PTGDS: variants seen among roughly 807,000 people sequenced by gnomAD.
The protein encoded by PTGDS is prostaglandin D2 synthase.
In PTGDS, 21 loss-of-function variants were observed where a neutral mutation model predicts 28.4. The ratio of observed to expected loss-of-function variants is 0.74; its 90% confidence interval spans 0.52 to 1.07. The LOEUF is 1.07. Among genes scored for constraint, PTGDS ranks in the 50% least tolerant of loss-of-function variants. The probability of loss-of-function intolerance (pLI) is 0.00; values close to 1 mark genes in which losing one functional copy is unlikely to be tolerated. For missense variants in PTGDS, 243 were observed against 247.7 expected (o/e 0.98, Z 0.13); for synonymous variants, 102 against 106.0 (o/e 0.96, Z 0.23).
In PTGDS at chr9:136,977,698, G is replaced by C; in HGVS notation, c.114+6G>C. The C allele has an allele frequency of 6.3e-7, 1 of 1,580,470 alleles. No individual in the cohort carries two copies. The highest frequency in any genetic ancestry group is 8.6e-7 in the Non-Finnish European group (1 of 1,165,378). ...CCAACTTCCAGCAGGACAAGGTGAGGGGCTTTCCTGCGTCATCCCCAAGGG... is the reference window on the plus strand; with the variant it reads ...CCAACTTCCAGCAGGACAAGGTGAGCGGCTTTCCTGCGTCATCCCCAAGGG... On this transcript the variant is annotated splice_donor_region_variant and intron_variant, in intron 1 of 6. Transcript: ENST00000371625.
At chr9:136,978,878 TG>T in intron 1 of PTGDS, 114 bp from the exon 2 acceptor site, 4 of 1,082,298 alleles carry the variant, frequency 3.7e-6, no homozygotes, top group Non-Finnish European at 4.5e-6. Flanking sequence ...GGATTGGGCG[TG>T]GGGGCGGGGC....
rs567253400 is a variant in PTGDS, at chr9:136,977,623, G to A, written c.45G>A (p.Gly15=). Reference sequence around the variant, plus strand: ...TGTGGATGGGACTGGCCCTGCTGGGGGTGCTGGGCGACCTGCAGGCAGCAC... The same window carrying A: ...TGTGGATGGGACTGGCCCTGCTGGGAGTGCTGGGCGACCTGCAGGCAGCAC... The part of the protein sequence containing the change: ...HTLWMGLALL[G]VLGDLQAAPE... The change falls in exon 1 of 7, where the codon GGG becomes GGA. Residue 15 remains glycine (G), a synonymous_variant. Transcript: ENST00000371625. The A allele has an allele frequency of 1.2e-5, 20 of 1,609,766 alleles. No individual in the cohort carries two copies. The African/African-American group carries it at 2.5e-4, about 20-fold the overall frequency.
At chr9:136,977,856 G>A (rs898855096) in intron 1 of PTGDS, among the ~76,000 whole-genome samples, 164 bp downstream of exon 1, 3 of 91,890 alleles carry the variant, frequency 3.3e-5, no homozygotes, top group Non-Finnish European at 8.0e-5. Flanking sequence ...CTGGGTAGCC[G>A]CCCGAGGAGG....
In PTGDS at chr9:136,979,290, C is replaced by T. The variant is rs368896812; in HGVS notation, c.322C>T (p.Arg108Trp). Residue 108 changes from arginine (R) to tryptophan (W), a missense_variant, in exon 3 of 7, where the codon CGG becomes TGG. Transcript: ENST00000371625. ...GGGGTCCCTCGGCTCCTACAGCTACCGGAGTCCCCGTGAGTGGGGCCTCCA... is the reference window on the plus strand; with the variant it reads ...GGGGTCCCTCGGCTCCTACAGCTACTGGAGTCCCCGTGAGTGGGGCCTCCA... ...PAGSLGSYSY[R>W]SPHWGSTYSV... The T allele has an allele frequency of 4.3e-6, 7 of 1,609,786 alleles. No individual in the cohort carries two copies. In the East Asian group the frequency reaches 8.9e-5, roughly 21 times the overall value.
intron 6 of PTGDS, 27 bp downstream of exon 6, chr9:136,980,882 T>TCATG (rs2131398426): frequency 6.4e-7 from 1 of 1,571,646 alleles, no homozygotes; most frequent in Non-Finnish European, 8.7e-7. Context: ...ATTCATTCAT[T>TCATG]CATTCATTCA....
chr9:136,978,779 A>C, intron 1 of PTGDS: 1 of 374,792 alleles, frequency 2.7e-6, no homozygotes, highest in Non-Finnish European at 4.5e-6. Context: ...TGGGGCGGAG[A>C]TGTGAGGGGC....
intron 5 of PTGDS, 88 bp downstream of exon 5, chr9:136,980,372 G>T: frequency 7.0e-7 from 1 of 1,431,262 alleles, no homozygotes; most frequent in Non-Finnish European, 9.6e-7. Context: ...CAGAGGGGAG[G>T]AGGTGGCCCC....
intron 1 of PTGDS, among the ~76,000 whole-genome samples, chr9:136,978,187 C>A (rs1176347924): frequency 6.6e-6 from 1 of 151,332 alleles, no homozygotes; most frequent in Admixed American, 6.5e-5. Flanking sequence ...CGCGCCCCTC[C>A]CTGGCGTCGA....
intron 5 of PTGDS, 26 bp downstream of exon 5, chr9:136,980,310 G>A (rs769983147): frequency 1.2e-6 from 2 of 1,608,502 alleles, no homozygotes; most frequent in Admixed American, 3.3e-5. Flanking sequence ...CTGATGGGGA[G>A]AGGATCAAGG....
intron 5 of PTGDS, 31 bp from the exon 6 acceptor site, chr9:136,980,798 GTTCT>G (rs1830439209): frequency 1.9e-6 from 3 of 1,613,874 alleles, no homozygotes; most frequent in African/African-American, 2.7e-5. Context: ...TAAGTCTGGG[GTTCT>G]GACGACAGCC....
Position 136,979,110 on chromosome 9 carries a change from AACCTGACCTCC to A in PTGDS, c.237_247del (p.Thr80ProfsTer7). ...GGCCCCTGCCACGGATGGTGGCCTC[AACCTGACCTCC>A]ACCTTCCTCAGGTGGGACAGCGGGC... On this transcript the variant is annotated frameshift_variant, in exon 2 of 7. Transcript: ENST00000371625. LOFTEE classifies it high-confidence loss of function. The A allele has an allele frequency of 8.1e-6, 13 of 1,612,476 alleles. No homozygotes were observed. The highest frequency in any genetic ancestry group is 1.1e-5 in the Non-Finnish European group (13 of 1,179,590).
intron 6 of PTGDS, 33 bp downstream of exon 6, chr9:136,980,888 A>ATTCT (rs2131398446): frequency 6.3e-7 from 1 of 1,577,112 alleles, no homozygotes; most frequent in Non-Finnish European, 8.6e-7. Context: ...TCATTCATTC[A>ATTCT]TTCATTCATT....
rs1830417746 is a variant in PTGDS at position 136,979,139 on chromosome 9, C to G, written c.254+7C>G. 6.2e-7 allele frequency: 1 copy of G among 1,612,720 alleles called. No individual in the cohort carries two copies. The highest frequency in any genetic ancestry group is 1.3e-5 in the African/African-American group (1 of 74,888). ...TGACCTCCACCTTCCTCAGGTGGGA[C>G]AGCGGGCAGGTGGGTTTCTGGGACG... On this transcript the variant is annotated splice_region_variant and intron_variant, in intron 2 of 6. Transcript: ENST00000371625.
chr9:136,978,260 G>C (rs55788930), intron 1 of PTGDS, among the ~76,000 whole-genome samples: 2 of 152,268 alleles, frequency 1.3e-5, no homozygotes, highest in Non-Finnish European at 2.9e-5. Flanking sequence ...CCAGGAATGC[G>C]ACGTCCTCTG....
chr9:136,979,232 G>C lies in PTGDS; in HGVS notation c.264G>C (p.Gln88His), dbSNP rs1240854046. The C allele has an allele frequency of 6.2e-7, 1 of 1,613,068 alleles. No homozygotes were observed. Among genetic ancestry groups the C allele is most frequent in the East Asian group, 2.2e-5 (1 of 44,876 alleles). Residue 88 changes from glutamine to histidine, a missense_variant, in exon 3 of 7, where the codon CAG becomes CAC. Physicochemically the swap from Gln to His is conservative, Grantham distance 24. Coordinates refer to ENST00000371625, the MANE Select transcript of PTGDS (RefSeq NM_000954.6). ...GGTCACCCACCTACAGGAAAAACCA[G>C]TGTGAGACCCGAACCATGCTGCTGC... ...NLTSTFLRKN[Q>H]CETRTMLLQP...
At chr9:136,980,584 C>T in intron 5 of PTGDS, 2 of 1,372,426 alleles carry the variant, frequency 1.5e-6, no homozygotes, top group Non-Finnish European at 9.8e-7. Context: ...ATGGGGGATA[C>T]AGGGGAACCA....
At chr9:136,979,507 C>T in intron 3 of PTGDS, 1 of 1,455,060 alleles carries the variant, frequency 6.9e-7, no homozygotes, top group Non-Finnish European at 9.3e-7. Flanking sequence ...GGGTTGGATC[C>T]TCTCTGGAGC....
At chr9:136,979,503 G>A (rs918616747) in intron 3 of PTGDS, 2 of 1,484,174 alleles carry the variant, frequency 1.3e-6, no homozygotes, top group Non-Finnish European at 1.8e-6. Flanking sequence ...CAGGGGGTTG[G>A]ATCCTCTCTG....
chr9:136,981,245 CAG>C (rs1830445147), intron 6 of PTGDS, among the ~76,000 whole-genome samples: 3 of 152,132 alleles, frequency 2.0e-5, no homozygotes, highest in East Asian at 1.9e-4. Context: ...TGGGAGGGAA[CAG>C]GGGATGGAAG....
Sources: allele counts gnomAD v4.1 joint callset (sites outside exome capture counted in the v4.1 genomes callset), GRCh38; gene constraint gnomAD v4.1.1; transcripts MANE v1.5; gene names NCBI Gene and HGNC (gene_info 2026-07-23, HGNC 2026-07-21).